The following PIP5K1A variants were observed in gnomAD, a reference collection of about 807,000 sequenced individuals.
PIP5K1A encodes phosphatidylinositol 4-phosphate 5-kinase type-1 alpha.
A neutral mutation model predicts 72.9 loss-of-function variants in PIP5K1A; 46 were observed. That is an observed-to-expected ratio of 0.63 (90% CI 0.50 to 0.81). PIP5K1A has a LOEUF of 0.81. Ranked by LOEUF, PIP5K1A falls within the 30% of genes least tolerant of loss-of-function variation. PIP5K1A has a pLI of 0.00. For missense variants in PIP5K1A, 458 were observed against 706.1 expected, an observed-to-expected ratio of 0.65 and a Z score of 3.98; for synonymous variants, 228 against 255.1, an observed-to-expected ratio of 0.89 and a Z score of 1.01.
chr1:151,216,685 C>A (rs901235772), intron 1 of PIP5K1A, among the ~76,000 whole-genome samples: 4 of 152,032 alleles, frequency 2.6e-5, no homozygotes, highest in African/African-American at 9.7e-5. Flanking sequence ...GATGGCATTT[C>A]ATAATTCACA....
chr1:151,224,592 G>A (rs1261835287), intron 3 of PIP5K1A, among the ~76,000 whole-genome samples, 186 bp downstream of exon 3: 1 of 152,230 alleles, frequency 6.6e-6, no homozygotes, highest in African/African-American at 2.4e-5. Flanking sequence ...GGCAAATACT[G>A]TTATCTGTTT....
chr1:151,224,737 C>T (rs1257697529), intron 3 of PIP5K1A, among the ~76,000 whole-genome samples: 1 of 152,172 alleles, frequency 6.6e-6, no homozygotes, highest in Non-Finnish European at 1.5e-5. Context: ...GATTGCATAC[C>T]TTCGATGAAT....
At chr1:151,244,194 A>G (rs1372953678) in intron 14 of PIP5K1A, among the ~76,000 whole-genome samples, 1 of 149,264 alleles carries the variant, frequency 6.7e-6, no homozygotes, top group East Asian at 1.9e-4. Context: ...AAAAAAAAAA[A>G]GTCGTGAAAA....
chr1:151,224,939 T>C (rs1431502867), intron 3 of PIP5K1A, among the ~76,000 whole-genome samples: 3 of 152,138 alleles, frequency 2.0e-5, no homozygotes, highest in African/African-American at 4.8e-5. Flanking sequence ...CTTCAAACTT[T>C]CTCTCAGAAC....
rs1325179534 is a variant in PIP5K1A, at chr1:151,199,011, C to T, written c.15C>T (p.Ser5=). 1 of 1,614,136 alleles carries T rather than the reference C, an allele frequency of 6.2e-7. No homozygotes were observed. The highest frequency in any genetic ancestry group is 8.5e-7 in the Non-Finnish European group (1 of 1,180,008). Residue 5 remains serine (S), a synonymous_variant, in exon 1 of 16, where the codon TCC becomes TCT. Coordinates refer to ENST00000368888, the MANE Select transcript of PIP5K1A (RefSeq NM_001135638.2). MASA[S]SGPSSSVGFS... ...GGGCTGCTAAGATGGCGTCGGCCTC[C>T]TCCGGGCCGTCGTCTTCGGTCGGTT...
intron 1 of PIP5K1A, among the ~76,000 whole-genome samples, chr1:151,219,425 G>A (rs1039805005): frequency 5.3e-5 from 8 of 151,358 alleles, no homozygotes; most frequent in African/African-American, 1.9e-4. Flanking sequence ...GGTGGCTCAT[G>A]CCTATAATCC....
intron 1 of PIP5K1A, among the ~76,000 whole-genome samples, chr1:151,211,017 C>T (rs1558244239): frequency 6.6e-6 from 1 of 152,130 alleles, no homozygotes; most frequent in African/African-American, 2.4e-5. Flanking sequence ...TTAGTGTCCC[C>T]AAATTATATG....
chr1:151,204,125 C>A (rs1237547960), intron 1 of PIP5K1A, among the ~76,000 whole-genome samples: 2 of 152,052 alleles, frequency 1.3e-5, no homozygotes, highest in African/African-American at 4.8e-5. Flanking sequence ...CAGAGCCCTA[C>A]CTGTAACCTG....
chr1:151,196,685 G>T (rs1404265474), upstream of PIP5K1A, among the ~76,000 whole-genome samples: 1 of 149,598 alleles, frequency 6.7e-6, no homozygotes, highest in African/African-American at 2.5e-5. Context: ...CTCCGGCGTA[G>T]CGAGTAGCTG....
intron 9 of PIP5K1A, among the ~76,000 whole-genome samples, chr1:151,237,508 A>AT (rs1691060594): frequency 6.6e-6 from 1 of 152,106 alleles, no homozygotes; most frequent in Admixed American, 6.6e-5. Flanking sequence ...AAAAACTCAA[A>AT]AATTACCTGA....
intron 1 of PIP5K1A, among the ~76,000 whole-genome samples, chr1:151,219,326 A>G (rs1688056892): frequency 6.7e-6 from 1 of 149,832 alleles, no homozygotes; most frequent in South Asian, 2.1e-4. Flanking sequence ...GGTTGCAGTG[A>G]GCCGACATCG....
intron 1 of PIP5K1A, among the ~76,000 whole-genome samples, chr1:151,216,175 C>T (rs1011586496): frequency 3.3e-5 from 5 of 152,046 alleles, no homozygotes; most frequent in South Asian, 2.1e-4. Context: ...AGTGAAACCC[C>T]GTCTCTACTA....
intron 6 of PIP5K1A, 40 bp downstream of exon 6, chr1:151,232,405 A>G: frequency 4.6e-6 from 7 of 1,514,908 alleles, no homozygotes; most frequent in Non-Finnish European, 6.4e-6. Context: ...CTCCAGTATC[A>G]GAGGGATATT....
chr1:151,228,431 TG>T (rs1689479052), intron 4 of PIP5K1A, among the ~76,000 whole-genome samples: 2 of 152,044 alleles, frequency 1.3e-5, no homozygotes, highest in African/African-American at 4.8e-5. Context: ...GTTACAGGGG[TG>T]ATTGACCGTG....
At chr1:151,214,570 G>C (rs994638018) in intron 1 of PIP5K1A, among the ~76,000 whole-genome samples, 1 of 151,888 alleles carries the variant, frequency 6.6e-6, no homozygotes, top group African/African-American at 2.4e-5. Flanking sequence ...TAGTAGAGAT[G>C]GGGTTTTGCC....
chr1:151,223,144 A>C (rs1450785062), intron 1 of PIP5K1A, among the ~76,000 whole-genome samples: 1 of 151,736 alleles, frequency 6.6e-6, no homozygotes, highest in African/African-American at 2.4e-5. Flanking sequence ...TGAGGTCAGG[A>C]ATTCAAGACC....
chr1:151,215,003 C>T (rs916013741), intron 1 of PIP5K1A, among the ~76,000 whole-genome samples: 2 of 151,870 alleles, frequency 1.3e-5, no homozygotes, highest in Non-Finnish European at 2.9e-5. Context: ...CAGGCATGAG[C>T]CACCATGCCC....
chr1:151,220,612 G>A (rs1302773263), intron 1 of PIP5K1A, among the ~76,000 whole-genome samples: 1 of 152,060 alleles, frequency 6.6e-6, no homozygotes, highest in East Asian at 1.9e-4. Context: ...GATTACAGGC[G>A]CCCACCACCT....
At chr1:151,204,229 T>A (rs1326815151) in intron 1 of PIP5K1A, among the ~76,000 whole-genome samples, 1 of 152,126 alleles carries the variant, frequency 6.6e-6, no homozygotes, top group Admixed American at 6.6e-5. Flanking sequence ...CTGGTTGGAG[T>A]GCAATGGCGC....
Sources: allele counts gnomAD v4.1 joint callset (sites outside exome capture counted in the v4.1 genomes callset), GRCh38; gene constraint gnomAD v4.1.1; transcripts MANE v1.5; gene names NCBI Gene and HGNC (gene_info 2026-07-23, HGNC 2026-07-21).